The following SLC6A3 variants were observed in gnomAD, a reference collection of about 807,000 sequenced individuals.
SLC6A3 encodes the protein solute carrier family 6 member 3.
Under a neutral mutation model 70.4 loss-of-function variants are expected in SLC6A3, and 19 were observed. The ratio of observed to expected loss-of-function variants is 0.27; its 90% CI spans 0.19 to 0.40. The LOEUF (loss-of-function observed/expected upper bound fraction) is 0.40, where lower values mean the gene tolerates loss of function less well. Ranked by LOEUF, SLC6A3 falls within the 10% of genes least tolerant of loss-of-function variation. The probability of loss-of-function intolerance (pLI) is 1.00; values close to 1 mark genes in which losing one functional copy is unlikely to be tolerated. For missense variants in SLC6A3, 613 were observed against 838.5 expected, an observed-to-expected ratio of 0.73 and a Z score of 3.32; for synonymous variants, 368 against 356.6, an observed-to-expected ratio of 1.03 and a Z score of -0.36.
chr5:1,420,569 A>G lies in SLC6A3; in HGVS notation c.927T>C (p.Ser309=). 6 of 1,613,274 alleles carry G rather than the reference A, an allele frequency of 3.7e-6. No homozygotes were observed. The highest frequency in any genetic ancestry group is 1.1e-5 in the South Asian group (1 of 91,084). Residue 309 remains serine (S), a splice_region_variant and synonymous_variant, in exon 6 of 15, where the codon TCT becomes TCC. Coordinates refer to ENST00000270349, the MANE Select transcript of SLC6A3 (RefSeq NM_001044.5). ...SVDFYRLCEA[S]VWIDAATQVC... ...GAAGCAGTGAGCAGACTGTACTCAC[A>G]GACGCCTCGCAGAGCCGGTAGAAGT... is the stretch of plus-strand genomic sequence containing the variant.
In SLC6A3 at chr5:1,431,464, C is replaced by T. The variant is rs180894721; in HGVS notation, c.653+1000G>A. Among the ~76,000 whole-genome samples the T allele has an allele frequency of 7.2e-3, 1,083 of 150,278 alleles. 13 individuals are homozygous for T. The highest frequency in any genetic ancestry group is 0.024 in the African/African-American group (978 of 40,582). On this transcript the variant is annotated intron_variant, in intron 4 of 14. Transcript: ENST00000270349. ...TCGGGGTGGACTGTATGGGTTGGGC[C>T]TGGCTGGGATGGACAGTGAGGATCA... is the stretch of plus-strand genomic sequence containing the variant.
chr5:1,416,566 C>CG, intron 6 of SLC6A3: 1 of 328,024 alleles, frequency 3.0e-6, no homozygotes, highest in South Asian at 3.2e-5. Context: ...CTCGGAACAG[C>CG]ACGGCCTCAT....
chr5:1,408,614 G>T lies in SLC6A3; in HGVS notation c.1498+412C>A, dbSNP rs1756042987. Among the ~76,000 whole-genome samples, 1 of 152,190 alleles carries T rather than the reference G, an allele frequency of 6.6e-6. No homozygotes were observed. Among genetic ancestry groups the T allele is most frequent in the African/African-American group, 2.4e-5 (1 of 41,446 alleles). Reference sequence around the variant, plus strand: ...GCACCCCGTTCGAGCGCCGCCCGCTGATCATCAGGTCCCGACTGCTCTGGA... The same window carrying T: ...GCACCCCGTTCGAGCGCCGCCCGCTTATCATCAGGTCCCGACTGCTCTGGA... On this transcript the variant is annotated intron_variant, in intron 11 of 14. Coordinates refer to ENST00000270349, the MANE Select transcript of SLC6A3 (RefSeq NM_001044.5). This position sits in a 1 kb window ranked among gnomAD's most constrained non-coding sequence, Gnocchi z 6.4.
rs403636 is a variant in SLC6A3, at chr5:1,438,239, A to C, written c.418+3120T>G. ...TAGGTGAGTGTGAACAAGCTCTTCC[A>C]AAGATCCGCCCGCAGGGCCACGAGC... On this transcript the variant is annotated intron_variant, in intron 3 of 14. Transcript: ENST00000270349. The surrounding 1 kb of genome is among the most constrained non-coding windows in gnomAD (Gnocchi z 6.5). Among the ~76,000 whole-genome samples the C allele has an allele frequency of 0.81, 122,729 of 152,226 alleles. 49,829 individuals are homozygous for C. Among genetic ancestry groups the C allele is most frequent in the South Asian group, 0.86 (4,161 of 4,826 alleles).
At position 1,401,057 on chromosome 5, in the gene SLC6A3, A is replaced by T; in HGVS notation, c.1768-71T>A. ...CTGCCAGCACCCACCACTGACTCAC[A>T]CTGCCAGGACCCTCACCTACCAGCA... On this transcript the variant is annotated intron_variant, in intron 13 of 14. Transcript: ENST00000270349. The surrounding 1 kb of genome is among the most constrained non-coding windows in gnomAD (Gnocchi z 6.1). The T allele has an allele frequency of 8.5e-7, 1 of 1,174,190 alleles. No individual in the cohort carries two copies. The highest frequency in any genetic ancestry group is 2.0e-5 in the Admixed American group (1 of 51,054). 72.7% of individuals were successfully genotyped at this position (1,174,190 alleles called of 1,614,324 possible).
intron 6 of SLC6A3, among the ~76,000 whole-genome samples, chr5:1,417,104 A>G (rs970984907): frequency 1.3e-5 from 2 of 151,278 alleles, no homozygotes; most frequent in Admixed American, 1.3e-4. Flanking sequence ...CCCCCATCCC[A>G]TGTGCGCCCT....
rs184761770 is a variant in SLC6A3, at chr5:1,438,554, T to C, written c.418+2805A>G. Among the ~76,000 whole-genome samples, 91 of 152,372 alleles carry C rather than the reference T, an allele frequency of 6.0e-4. No individual in the cohort carries two copies. Among genetic ancestry groups the C allele is most frequent in the Non-Finnish European group, 9.6e-4 (65 of 68,032 alleles). On this transcript the variant is annotated intron_variant, in intron 3 of 14. Coordinates refer to ENST00000270349, the MANE Select transcript of SLC6A3 (RefSeq NM_001044.5). This position sits in a 1 kb window ranked among gnomAD's most constrained non-coding sequence, Gnocchi z 6.5. Reference sequence around the variant, plus strand: ...TCTTAGAAATTGCTTCTTGACATTTTATGGACTACACCATGAAGACCCACA... The same window carrying C: ...TCTTAGAAATTGCTTCTTGACATTTCATGGACTACACCATGAAGACCCACA...
intron 7 of SLC6A3, among the ~76,000 whole-genome samples, chr5:1,415,150 C>T (rs955633748): frequency 6.6e-6 from 1 of 151,898 alleles, no homozygotes; most frequent in Non-Finnish European, 1.5e-5. Context: ...CCGGGGACCT[C>T]GCTAAGATGC....
In SLC6A3 at chr5:1,401,269, T is replaced by C. The variant is rs759011299; in HGVS notation, c.1768-283A>G. ...GAACATCAGCATTTGAGCACTCGCT[T>C]GAAAATAAAACGTGGTCCTGGAGAT... On this transcript the variant is annotated intron_variant, in intron 13 of 14. Transcript: ENST00000270349. This position sits in a 1 kb window ranked among gnomAD's most constrained non-coding sequence, Gnocchi z 6.1. 6 of 647,790 alleles carry C rather than the reference T, an allele frequency of 9.3e-6. No individual in the cohort carries two copies. The highest frequency in any genetic ancestry group is 1.7e-5 in the Non-Finnish European group (6 of 350,102). 40.1% of individuals were successfully genotyped at this position (647,790 alleles called of 1,614,324 possible).
rs1157280190 is a variant in SLC6A3 at position 1,401,992 on chromosome 5, G to T, written c.1767+930C>A. Among the ~76,000 whole-genome samples the T allele has an allele frequency of 6.6e-6, 1 of 152,172 alleles. No individual in the cohort carries two copies. Among genetic ancestry groups the T allele is most frequent in the Admixed American group, 6.5e-5 (1 of 15,288 alleles). ...CACACACTGTGCTTTGCCTGCACTG[G>T]GCCTTGGCCTGGCCAGGCTGCTGGA... On this transcript the variant is annotated intron_variant, in intron 13 of 14. Coordinates refer to ENST00000270349, the MANE Select transcript of SLC6A3 (RefSeq NM_001044.5). This position sits in a 1 kb window ranked among gnomAD's most constrained non-coding sequence, Gnocchi z 6.1.
intron 12 of SLC6A3, among the ~76,000 whole-genome samples, chr5:1,403,366 T>C (rs1755897461): frequency 1.2e-5 from 1 of 80,838 alleles, no homozygotes; most frequent in Non-Finnish European, 2.3e-5. Flanking sequence ...TCCCCTCCCA[T>C]CCTGTTCTGT....
At chr5:1,412,645 A>C (rs552344305) in intron 8 of SLC6A3, among the ~76,000 whole-genome samples, 23 of 152,294 alleles carry the variant, frequency 1.5e-4, no homozygotes, top group African/African-American at 5.1e-4. Context: ...ACCTTTGACC[A>C]GTTCAGAAGC....
In SLC6A3 at chr5:1,421,957, C is replaced by A. The variant is rs1232425395; in HGVS notation, c.711G>T (p.Arg237=). Residue 237 remains arginine, a synonymous_variant, in exon 5 of 15, where the codon CGG becomes CGT. Transcript: ENST00000270349. The surrounding 1 kb of genome is among the most constrained non-coding windows in gnomAD (Gnocchi z 7.2). ...GCACCAGGCAGGCTGTGAGCTGCCA[C>A]CGCGGAGGCCCCAGGTCGTCGATGC... ...SHGIDDLGPP[R]WQLTACLVLV... The A allele has an allele frequency of 6.2e-7, 1 of 1,613,158 alleles. No homozygotes were observed. Among genetic ancestry groups the A allele is most frequent in the Non-Finnish European group, 8.5e-7 (1 of 1,180,008 alleles).
chr5:1,407,961 G>A (rs548435717), intron 11 of SLC6A3, among the ~76,000 whole-genome samples: 2 of 152,012 alleles, frequency 1.3e-5, no homozygotes, highest in Admixed American at 6.5e-5. Flanking sequence ...CGGGGCTCAC[G>A]CAGCACCACA....
chr5:1,432,319 G>C (rs1756722531), intron 4 of SLC6A3, 145 bp downstream of exon 4: 1 of 708,716 alleles, frequency 1.4e-6, no homozygotes, highest in Non-Finnish European at 2.5e-6. Context: ...TGCCCCTCCA[G>C]AGCACTAAAG....
chr5:1,441,261 G>A lies in SLC6A3; in HGVS notation c.418+98C>T, dbSNP rs1296196683. The A allele has an allele frequency of 3.4e-6, 5 of 1,474,380 alleles. No homozygotes were observed. The East Asian group carries it at 9.1e-5, about 27-fold the overall frequency. 91.3% of individuals were successfully genotyped at this position (1,474,380 alleles called of 1,614,324 possible). A position where few individuals can be genotyped will look rare whatever the true frequency, so the allele number is the denominator to read the frequency against. Reference sequence around the variant, plus strand: ...CATGCCTGTGTCTTAGCAAAGCAGGGCTGGATGCCCATGATGCGGCTGGCT... The same window carrying A: ...CATGCCTGTGTCTTAGCAAAGCAGGACTGGATGCCCATGATGCGGCTGGCT... On this transcript the variant is annotated intron_variant, in intron 3 of 14. Coordinates refer to ENST00000270349, the MANE Select transcript of SLC6A3 (RefSeq NM_001044.5).
Position 1,414,793 on chromosome 5 carries a change from T to C in SLC6A3, c.1054A>G (p.Ile352Val). 1 of 1,612,816 alleles carries C rather than the reference T, an allele frequency of 6.2e-7. No homozygotes were observed. The highest frequency in any genetic ancestry group is 1.1e-5 in the South Asian group (1 of 91,072). ...GAGGAGAAGCTCGTCAGGGAGTTGA[T>C]GGAGGTGGTGACAATCGCGTCCCTG... ...CYRDAIVTTS[I>V]NSLTSFSSGF... Residue 352 changes from isoleucine to valine, a missense_variant, in exon 8 of 15, where the codon ATC becomes GTC. Ile to Val is a conservative substitution (Grantham distance 29, BLOSUM62 3). Coordinates refer to ENST00000270349, the MANE Select transcript of SLC6A3 (RefSeq NM_001044.5).
In SLC6A3 at chr5:1,409,737, A is replaced by G. The variant is rs1756069070; in HGVS notation, c.1382T>C (p.Leu461Pro). Reference protein sequence around the residue: ...FIVLATFLLSLFCVTNGGIYV... With the variant: ...FIVLATFLLSPFCVTNGGIYV... ...GGTACGTACGTTGGTGACGCAGAAC[A>G]GGGACAGGAGGAAGGTCGCCAGGAC... The change falls in exon 10 of 15, where the codon CTG (leucine) becomes CCG (proline). Residue 461 changes from leucine (L) to proline (P), a missense_variant. Physicochemically the swap from Leu to Pro is moderately conservative, Grantham distance 98 (BLOSUM62 -3). Coordinates refer to ENST00000270349, the MANE Select transcript of SLC6A3 (RefSeq NM_001044.5). The G allele has an allele frequency of 6.2e-7, 1 of 1,613,294 alleles. No individual in the cohort carries two copies. Among genetic ancestry groups the G allele is most frequent in the Admixed American group, 1.7e-5 (1 of 60,014 alleles).
At chr5:1,431,321 C>T (rs1210240757) in intron 4 of SLC6A3, among the ~76,000 whole-genome samples, 2 of 152,214 alleles carry the variant, frequency 1.3e-5, no homozygotes, top group East Asian at 1.9e-4. Context: ...AGGACTTCAT[C>T]GGAGACATCG....
Sources: gnomAD v4.1 joint callset for allele counts (sites outside exome capture counted in the v4.1 genomes callset) on GRCh38, gnomAD v4.1.1 for gene constraint, Gnocchi (gnomAD v3.1) non-coding constraint, MANE v1.5 for transcripts, NCBI Gene and HGNC (gene_info 2026-07-23, HGNC 2026-07-21) for gene names.